Variants in GRM3 observed in about 807,000 individuals in gnomAD.
GRM3 encodes the protein glutamate metabotropic receptor 3.
A neutral mutation model predicts 70.5 loss-of-function variants in GRM3; 26 were observed. The observed-to-expected ratio is 0.37, with a 90% CI of 0.27 to 0.51. The LOEUF is 0.51. Ranked by LOEUF, GRM3 falls within the 20% of genes least tolerant of loss-of-function variation. The pLI is 0.93. For missense variants in GRM3, 859 were observed against 1,123.8 expected, an observed-to-expected ratio of 0.76 and a Z score of 3.37; for synonymous variants, 443 against 434.9, an observed-to-expected ratio of 1.02 and a Z score of -0.23.
At chr7:86,686,429 C>A (rs11984046) in intron 1 of GRM3, among the ~76,000 whole-genome samples, 5,079 of 152,000 alleles carry the variant, frequency 0.033, 281 homozygotes, top group African/African-American at 0.12. Context: ...GGCAAAACTC[C>A]AAAAAAGGAA....
chr7:86,785,106 T>A (rs534922708), intron 2 of GRM3, among the ~76,000 whole-genome samples: 74 of 152,306 alleles, frequency 4.9e-4, no homozygotes, highest in African/African-American at 1.8e-3. Flanking sequence ...AAAGGAAAAA[T>A]TTCAAAGTAC....
chr7:86,797,794 TC>T (rs1027561579), intron 3 of GRM3, among the ~76,000 whole-genome samples: 15 of 151,908 alleles, frequency 9.9e-5, no homozygotes, highest in African/African-American at 3.6e-4. Flanking sequence ...CAACATCCCC[TC>T]CCATCACAAC....
At chr7:86,821,878 T>C (rs959563063) in intron 3 of GRM3, among the ~76,000 whole-genome samples, 8 of 152,166 alleles carry the variant, frequency 5.3e-5, no homozygotes, top group Non-Finnish European at 8.8e-5. Flanking sequence ...AATTTTCTAA[T>C]TAGTGGGATT....
At chr7:86,770,841 G>A (rs1486640524) in intron 2 of GRM3, among the ~76,000 whole-genome samples, 1 of 152,038 alleles carries the variant, frequency 6.6e-6, no homozygotes, top group African/African-American at 2.4e-5. Context: ...CACTCTCTCT[G>A]TGGACAAATA....
At chr7:86,778,495 T>C (rs1796955818) in intron 2 of GRM3, among the ~76,000 whole-genome samples, 1 of 152,214 alleles carries the variant, frequency 6.6e-6, no homozygotes, top group African/African-American at 2.4e-5. Flanking sequence ...CACAAAGCTC[T>C]GTTTGAAATT....
intron 1 of GRM3, among the ~76,000 whole-genome samples, chr7:86,710,591 G>A (rs1239648497): frequency 8.1e-6 from 1 of 124,146 alleles, no homozygotes; most frequent in East Asian, 2.4e-4. Context: ...GGGGGCGGGT[G>A]GTGGGGAGAG....
At chr7:86,746,329 G>T (rs1796100359) in intron 1 of GRM3, among the ~76,000 whole-genome samples, 1 of 78,528 alleles carries the variant, frequency 1.3e-5, no homozygotes, top group Non-Finnish European at 2.4e-5. Context: ...CTAATAGAGG[G>T]TCAGTCATGT....
At position 86,786,954 on chromosome 7, in the gene GRM3, T is replaced by C. The variant is rs774308739; in HGVS notation, c.1162T>C (p.Ser388Pro). The change falls in exon 3 of 6, where the codon TCC becomes CCC. Residue 388 changes from serine to proline, a missense_variant. Transcript: ENST00000361669. The surrounding 1 kb of genome is among the most constrained non-coding windows in gnomAD (Gnocchi z 6.0). ...CGACAGCAGCAACTACGAGCAAGAG[T>C]CCAAGATCATGTTTGTGGTGAACGC... is the stretch of plus-strand genomic sequence containing the variant. ...AIDSSNYEQESKIMFVVNAVY... is the reference protein window; with the variant it reads ...AIDSSNYEQEPKIMFVVNAVY... 1.2e-6 allele frequency: 2 copies of C among 1,613,964 alleles called. No homozygotes were observed.
intron 5 of GRM3, among the ~76,000 whole-genome samples, chr7:86,860,654 A>G (rs796933415): frequency 6.6e-6 from 1 of 152,280 alleles, no homozygotes; most frequent in Non-Finnish European, 1.5e-5. Context: ...TGTCCCTATG[A>G]AGGGGGTAGA....
chr7:86,773,589 AT>A (rs34874959), intron 2 of GRM3, among the ~76,000 whole-genome samples: 38,595 of 151,786 alleles, frequency 0.25, 4,967 homozygotes, highest in Middle Eastern at 0.3. Flanking sequence ...GAATCTTTTC[AT>A]TTATTTCCTT....
intron 5 of GRM3, among the ~76,000 whole-genome samples, chr7:86,856,452 CAAAAA>C (rs572172399): frequency 1.5e-5 from 1 of 67,574 alleles, no homozygotes; most frequent in Non-Finnish European, 3.3e-5. Context: ...TCGCCCTCTG[CAAAAA>C]AAAAAAAAAA....
intron 1 of GRM3, among the ~76,000 whole-genome samples, chr7:86,729,083 T>C (rs1300432896): frequency 3.3e-5 from 5 of 152,176 alleles, no homozygotes; most frequent in Non-Finnish European, 7.4e-5. Flanking sequence ...CACCCCAAAT[T>C]ACTTCTGATT....
chr7:86,707,590 G>T (rs1374859655), intron 1 of GRM3, among the ~76,000 whole-genome samples: 2 of 152,144 alleles, frequency 1.3e-5, no homozygotes, highest in East Asian at 3.9e-4. Flanking sequence ...ACTCCTGTCA[G>T]GGTTGATGCA....
chr7:86,851,433 A>C (rs1330092775), intron 5 of GRM3, among the ~76,000 whole-genome samples: 2 of 152,154 alleles, frequency 1.3e-5, no homozygotes, highest in East Asian at 3.9e-4. Flanking sequence ...TTTTCAGCTA[A>C]ATTGTGGTAT....
At chr7:86,844,061 TG>T (rs1383955410) in intron 4 of GRM3, among the ~76,000 whole-genome samples, 1 of 152,174 alleles carries the variant, frequency 6.6e-6, no homozygotes, top group Admixed American at 6.5e-5. Flanking sequence ...TAGATTCTTT[TG>T]GGGGTTGGAG....
intron 1 of GRM3, among the ~76,000 whole-genome samples, chr7:86,679,338 CT>C (rs936413361): frequency 6.6e-6 from 1 of 152,012 alleles, no homozygotes; most frequent in African/African-American, 2.4e-5. Flanking sequence ...AAGAACTACA[CT>C]TTTAAAAGGA....
chr7:86,701,073 G>A (rs1181219251), intron 1 of GRM3, among the ~76,000 whole-genome samples: 1 of 151,674 alleles, frequency 6.6e-6, no homozygotes, highest in East Asian at 1.9e-4. Context: ...CTGTTATCCA[G>A]AATTAAACTG....
chr7:86,806,870 T>C (rs1468668049), intron 3 of GRM3, among the ~76,000 whole-genome samples: 1 of 151,852 alleles, frequency 6.6e-6, no homozygotes, highest in Non-Finnish European at 1.5e-5. Flanking sequence ...AGGGTTTTTA[T>C]GGTTTTAGGT....
intron 3 of GRM3, among the ~76,000 whole-genome samples, chr7:86,794,530 A>G (rs1182768439): frequency 1.3e-5 from 2 of 152,226 alleles, no homozygotes; most frequent in East Asian, 1.9e-4. Flanking sequence ...CTAAAGATTA[A>G]GGATGCTGAT....
Sources: gnomAD v4.1 joint callset for allele counts (sites outside exome capture counted in the v4.1 genomes callset) on GRCh38, gnomAD v4.1.1 for gene constraint, Gnocchi (gnomAD v3.1) non-coding constraint, MANE v1.5 for transcripts, NCBI Gene and HGNC (gene_info 2026-07-23, HGNC 2026-07-21) for gene names.